MTMR14: variants seen among roughly 807,000 people sequenced by gnomAD.
The protein encoded by MTMR14 is myotubularin related protein 14.
In MTMR14, 48 loss-of-function variants were observed where a neutral mutation model predicts 86.3. The observed-to-expected ratio is 0.56, with a 90% CI of 0.44 to 0.71. The LOEUF (loss-of-function observed/expected upper bound fraction) is 0.71, where lower values mean the gene tolerates loss of function less well. Ranked by LOEUF, MTMR14 falls within the 30% of genes least tolerant of loss-of-function variation. MTMR14 has a pLI of 0.00. For synonymous variants in MTMR14, 366 were observed against 326.1 expected, an observed-to-expected ratio of 1.12 and a Z score of -1.32; for missense variants, 780 against 834.6, an observed-to-expected ratio of 0.93 and a Z score of 0.81.
rs528661628 is a variant in MTMR14, at chr3:9,698,573, T to A, written c.1769+707T>A. On this transcript the variant is annotated intron_variant, in intron 18 of 18. Transcript: ENST00000296003. ...TCAGCAAGCCTTCCATACCATGGGCTGGATGAATGGCACATGCTGGGGCCT... is the reference window on the plus strand; with the variant it reads ...TCAGCAAGCCTTCCATACCATGGGCAGGATGAATGGCACATGCTGGGGCCT... Among the ~76,000 whole-genome samples the A allele has an allele frequency of 2.6e-5, 4 of 152,360 alleles. No individual in the cohort carries two copies. In the East Asian group the frequency reaches 7.7e-4, roughly 29 times the overall value.
chr3:9,672,612 C>T (rs2048629436), intron 6 of MTMR14, 73 bp from the exon 7 acceptor site: 2 of 1,293,116 alleles, frequency 1.5e-6, no homozygotes, highest in East Asian at 4.6e-5. Flanking sequence ...GTGATTATAA[C>T]CCTTATTTGG....
intron 2 of MTMR14, among the ~76,000 whole-genome samples, chr3:9,657,434 C>T (rs573917398): frequency 6.6e-6 from 1 of 152,154 alleles, no homozygotes; most frequent in Admixed American, 6.5e-5. Context: ...GTGTTGATCC[C>T]TTAAAGAGAC....
At chr3:9,696,490 C>G (rs1056343061) in intron 17 of MTMR14, among the ~76,000 whole-genome samples, 1 of 152,128 alleles carries the variant, frequency 6.6e-6, no homozygotes, top group Admixed American at 6.5e-5. Flanking sequence ...CCAGCCTGGG[C>G]GACAAGAGCA....
At chr3:9,650,417 G>A (rs2047212753) in intron 1 of MTMR14, 2 of 455,374 alleles carry the variant, frequency 4.4e-6, no homozygotes, top group Admixed American at 2.4e-5. Context: ...GAATCTTGCC[G>A]ACCCTGCCAT....
chr3:9,697,980 C>T, intron 18 of MTMR14, 114 bp downstream of exon 18: 1 of 1,418,334 alleles, frequency 7.1e-7, no homozygotes, highest in Admixed American at 1.7e-5. Context: ...GCCTGGCCTC[C>T]TGCCCTCCCC....
intron 17 of MTMR14, among the ~76,000 whole-genome samples, chr3:9,692,937 A>G (rs1246027026): frequency 6.6e-6 from 1 of 152,168 alleles, no homozygotes; most frequent in Non-Finnish European, 1.5e-5. Flanking sequence ...AGGATTCTAT[A>G]TCTTAGCTCA....
At chr3:9,691,262 C>T (rs1183678085) in intron 17 of MTMR14, among the ~76,000 whole-genome samples, 1 of 152,210 alleles carries the variant, frequency 6.6e-6, no homozygotes, top group Non-Finnish European at 1.5e-5. Flanking sequence ...CCGCCACACG[C>T]CGTCTGGCCC....
chr3:9,672,622 G>T, intron 6 of MTMR14, 63 bp from the exon 7 acceptor site: 1 of 1,366,696 alleles, frequency 7.3e-7, no homozygotes, highest in South Asian at 1.2e-5. Context: ...CCCTTATTTG[G>T]GGAATGGTGT....
chr3:9,671,257 G>A, intron 6 of MTMR14, 87 bp downstream of exon 6: 8 of 1,581,520 alleles, frequency 5.1e-6, no homozygotes, highest in Non-Finnish European at 5.2e-6. Flanking sequence ...GTCACTGCGT[G>A]CTGGCCTTCT....
At chr3:9,675,951 A>G (rs987382004) in intron 7 of MTMR14, among the ~76,000 whole-genome samples, 2 of 152,096 alleles carry the variant, frequency 1.3e-5, no homozygotes, top group African/African-American at 4.8e-5. Context: ...ATGGCTGAAG[A>G]TTGTTTCCAG....
chr3:9,658,969 C>T (rs550859337), intron 2 of MTMR14, among the ~76,000 whole-genome samples: 41 of 152,318 alleles, frequency 2.7e-4, no homozygotes, highest in Non-Finnish European at 4.7e-4. Context: ...ATGGGCGTTT[C>T]GCTTGAACCC....
At chr3:9,668,581 T>A (rs946818882) in intron 3 of MTMR14, 138 bp from the exon 4 acceptor site, 1 of 793,124 alleles carries the variant, frequency 1.3e-6, no homozygotes, top group Admixed American at 2.0e-5. Context: ...TGTGGCAGCC[T>A]TGATGCTGAT....
rs1165252048 is a variant in MTMR14, at chr3:9,677,307, T to C, written c.752-10T>C. 5 of 1,613,728 alleles carry C rather than the reference T, an allele frequency of 3.1e-6. No homozygotes were observed. The Admixed American group carries it at 8.3e-5, about 27-fold the overall frequency. Reference sequence around the variant, plus strand: ...AAGGGAGATGTCATAACTCTGCCCTTCTTTTCCAGGCTGTGAATTTTTCAA... The same window carrying C: ...AAGGGAGATGTCATAACTCTGCCCTCCTTTTCCAGGCTGTGAATTTTTCAA... On this transcript the variant is annotated splice_polypyrimidine_tract_variant and intron_variant, in intron 7 of 18. Coordinates refer to ENST00000296003, the MANE Select transcript of MTMR14 (RefSeq NM_001077525.3). The surrounding 1 kb of genome is among the most constrained non-coding windows in gnomAD (Gnocchi z 4.2).
chr3:9,700,719 C>T (rs2076427293), intron 18 of MTMR14: 1 of 152,208 alleles, frequency 6.6e-6, no homozygotes, highest in African/African-American at 2.4e-5. Flanking sequence ...CAGTGGGGAA[C>T]CCTGGCTTCA....
intron 13 of MTMR14, among the ~76,000 whole-genome samples, chr3:9,687,485 G>A (rs2075996688): frequency 6.6e-6 from 1 of 151,980 alleles, no homozygotes; most frequent in African/African-American, 2.4e-5. Context: ...AACCCAGGAG[G>A]CTGAGCTTGC....
intron 2 of MTMR14, 33 bp downstream of exon 2, chr3:9,653,802 G>A: frequency 1.2e-6 from 2 of 1,613,846 alleles, no homozygotes; most frequent in Non-Finnish European, 1.7e-6. Flanking sequence ...GTACATGTCT[G>A]GGGAGTCCGT....
chr3:9,675,158 C>A (rs2048786690), intron 7 of MTMR14, among the ~76,000 whole-genome samples: 1 of 151,994 alleles, frequency 6.6e-6, no homozygotes, highest in South Asian at 2.1e-4. Flanking sequence ...CAAAAGAGAC[C>A]AAAATTTGTA....
intron 9 of MTMR14, 85 bp from the exon 10 acceptor site, chr3:9,683,093 G>A (rs2075823660): frequency 7.5e-7 from 1 of 1,329,806 alleles, no homozygotes; most frequent in Non-Finnish European, 1.1e-6. Flanking sequence ...TGTTGCCCCA[G>A]AATAACTCTT....
intron 17 of MTMR14, among the ~76,000 whole-genome samples, chr3:9,695,908 G>C (rs1227783391): frequency 2.0e-5 from 3 of 152,180 alleles, no homozygotes; most frequent in Non-Finnish European, 2.9e-5. Context: ...TGCTCCTGGG[G>C]AGCTGTCTCT....
Sources: gnomAD v4.1 joint callset for allele counts (sites outside exome capture counted in the v4.1 genomes callset) on GRCh38, gnomAD v4.1.1 for gene constraint, Gnocchi (gnomAD v3.1) non-coding constraint, MANE v1.5 for transcripts, NCBI Gene and HGNC (gene_info 2026-07-23, HGNC 2026-07-21) for gene names.